ABCB4: variants seen among roughly 807,000 people sequenced by gnomAD.
ABCB4 encodes the protein phosphatidylcholine translocator ABCB4.
A neutral mutation model predicts 145.7 loss-of-function variants in ABCB4; 76 were observed. The observed-to-expected ratio is 0.52, with a 90% confidence interval of 0.43 to 0.63. The LOEUF is 0.63. Among genes scored for constraint, ABCB4 ranks in the 30% least tolerant of loss-of-function variants. ABCB4 has a pLI of 0.00. For synonymous variants in ABCB4, 517 were observed against 566.8 expected (o/e 0.91, Z 1.25); for missense variants, 1,234 against 1,553.1 (o/e 0.79, Z 3.45).
At chr7:87,374,429 C>G in the ABCB4 span, among the ~76,000 whole-genome samples, 2 of 151,988 alleles carry the variant, frequency 1.3e-5, no homozygotes, top group Non-Finnish European at 2.9e-5. Flanking sequence ...ATAGTCAAAA[C>G]TCGTGCTTTG....
At chr7:87,451,448 A>G (rs575038699) in intron 7 of ABCB4, among the ~76,000 whole-genome samples, 175 bp downstream of exon 7, 5 of 152,264 alleles carry the variant, frequency 3.3e-5, no homozygotes, top group Non-Finnish European at 7.4e-5. Context: ...GACATTTTGA[A>G]TTATGTTAAA....
chr7:87,444,510 A>G (rs1446068519), intron 10 of ABCB4, among the ~76,000 whole-genome samples: 1 of 152,186 alleles, frequency 6.6e-6, no homozygotes, highest in East Asian at 1.9e-4. Flanking sequence ...CCGATAATTT[A>G]TCTACCCCCC....
At chr7:87,387,743 G>A in the ABCB4 span, among the ~76,000 whole-genome samples, 1 of 152,178 alleles carries the variant, frequency 6.6e-6, no homozygotes. Flanking sequence ...CTTGAGGTCA[G>A]GAGTTCGAGA....
At chr7:87,460,592 T>C (rs1812387695) in intron 4 of ABCB4, among the ~76,000 whole-genome samples, 1 of 152,144 alleles carries the variant, frequency 6.6e-6, no homozygotes, top group Admixed American at 6.6e-5. Flanking sequence ...CCTCCAGCTG[T>C]ATCCATGTTG....
Position 87,439,617 on chromosome 7 carries a change from T to C in ABCB4, c.1731+50A>G, listed in dbSNP as rs114263062. On this transcript the variant is annotated intron_variant, in intron 14 of 27. Transcript: ENST00000649586. ...GACTCCGGAAGCACTGGCAAGAATC[T>C]TCAATAGGTTTCAATGTGGTGGTCC... is the stretch of plus-strand genomic sequence containing the variant. The C allele has an allele frequency of 1.8e-4, 286 of 1,608,876 alleles. No individual in the cohort carries two copies. In the African/African-American group the frequency reaches 3.6e-3, roughly 20 times the overall value.
chr7:87,417,549 T>G, intron 20 of ABCB4, 34 bp from the exon 21 acceptor site: 2 of 1,588,060 alleles, frequency 1.3e-6, no homozygotes, highest in Middle Eastern at 1.7e-4. Context: ...AACTGTAGTT[T>G]TAAGCTCCAA....
chr7:87,374,069 C>T, the ABCB4 span, among the ~76,000 whole-genome samples: 9 of 151,754 alleles, frequency 5.9e-5, no homozygotes, highest in Non-Finnish European at 7.4e-5. Context: ...GAATGGAAAG[C>T]GATGAAGCAG....
chr7:87,470,810 T>C (rs930385647), intron 3 of ABCB4, among the ~76,000 whole-genome samples: 2 of 152,202 alleles, frequency 1.3e-5, no homozygotes, highest in African/African-American at 4.8e-5. Context: ...GACAGTGTGG[T>C]GATTCCTCAA....
chr7:87,391,639 G>C, the ABCB4 span: 13 of 1,610,536 alleles, frequency 8.1e-6, no homozygotes, highest in African/African-American at 4.0e-5. Context: ...TATCATGGCC[G>C]TACAGAGACT....
intron 23 of ABCB4, among the ~76,000 whole-genome samples, 195 bp from the exon 24 acceptor site, chr7:87,409,587 G>GT (rs1363863969): frequency 1.3e-5 from 2 of 152,098 alleles, no homozygotes; most frequent in African/African-American, 4.8e-5. Flanking sequence ...CTTCCTGAGG[G>GT]TTTACCTTTT....
At chr7:87,405,162 C>A (rs1808090908) in intron 26 of ABCB4, among the ~76,000 whole-genome samples, 1 of 152,200 alleles carries the variant, frequency 6.6e-6, no homozygotes, top group Admixed American at 6.5e-5. Context: ...TACATCCACA[C>A]TGTGGAATAT....
downstream of ABCB4, chr7:87,398,493 G>T: frequency 6.2e-7 from 1 of 1,611,550 alleles, no homozygotes. Flanking sequence ...AGCCTTTTGT[G>T]TAATCATTAA....
At chr7:87,371,530 A>G in the ABCB4 span, among the ~76,000 whole-genome samples, 1 of 152,200 alleles carries the variant, frequency 6.6e-6, no homozygotes, top group Non-Finnish European at 1.5e-5. Flanking sequence ...TAAAATATCT[A>G]TGGTTTGATA....
intron 3 of ABCB4, among the ~76,000 whole-genome samples, chr7:87,465,150 A>G (rs2116918222): frequency 6.6e-6 from 1 of 152,302 alleles, no homozygotes; most frequent in African/African-American, 2.4e-5. Flanking sequence ...GACAGACGGC[A>G]CCTGGAAAAT....
the ABCB4 span, among the ~76,000 whole-genome samples, chr7:87,388,871 T>C: frequency 2.0e-5 from 3 of 152,124 alleles, no homozygotes; most frequent in African/African-American, 4.8e-5. Flanking sequence ...TTTTGCAATC[T>C]AACCACCTGA....
chr7:87,400,319 T>C (rs1807726724), downstream of ABCB4, among the ~76,000 whole-genome samples: 1 of 152,248 alleles, frequency 6.6e-6, no homozygotes. Context: ...CATTTTAATA[T>C]ATGTAAAGAT....
intron 15 of ABCB4, among the ~76,000 whole-genome samples, chr7:87,430,626 G>A (rs534833498): frequency 3.8e-4 from 58 of 152,138 alleles, no homozygotes; most frequent in African/African-American, 1.3e-3. Context: ...CCGGATTCAA[G>A]CGATTCTCCT....
intron 3 of ABCB4, among the ~76,000 whole-genome samples, chr7:87,466,909 T>A (rs937333936): frequency 6.6e-6 from 1 of 151,994 alleles, no homozygotes; most frequent in South Asian, 2.1e-4. Context: ...GCACTAAACG[T>A]GGAAAGGAAC....
At chr7:87,376,840 T>A in the ABCB4 span, among the ~76,000 whole-genome samples, 16 of 152,270 alleles carry the variant, frequency 1.1e-4, no homozygotes, top group African/African-American at 3.8e-4. Flanking sequence ...GTCTGTGAGG[T>A]ACACTGATAT....
Sources: gnomAD v4.1 joint callset for allele counts (sites outside exome capture counted in the v4.1 genomes callset) on GRCh38, gnomAD v4.1.1 for gene constraint, MANE v1.5 for transcripts, NCBI Gene and HGNC (gene_info 2026-07-23, HGNC 2026-07-21) for gene names.